ZNF331: variants seen among roughly 807,000 people sequenced by gnomAD.
The protein encoded by ZNF331 is zinc finger protein 331.
Under a neutral mutation model 7.0 loss-of-function variants are expected in ZNF331, and 2 were observed. The observed-to-expected ratio is 0.29, with a 90% CI of 0.12 to 0.90. ZNF331 has a LOEUF of 0.90. Ranked by LOEUF, ZNF331 falls within the 40% of genes least tolerant of loss-of-function variation. ZNF331 has a pLI of 0.58. For synonymous variants in ZNF331, 196 were observed against 205.4 expected, an observed-to-expected ratio of 0.95 and a Z score of 0.39; for missense variants, 432 against 587.7, an observed-to-expected ratio of 0.74 and a Z score of 2.74.
chr19:53,545,875 T>G (rs1002429248), intron 2 of ZNF331, among the ~76,000 whole-genome samples: 4 of 152,100 alleles, frequency 2.6e-5, no homozygotes, highest in African/African-American at 4.8e-5. Context: ...TGGGAGTCCT[T>G]GTGGAGGGAG....
chr19:53,508,804 C>A, the ZNF331 span, among the ~76,000 whole-genome samples: 1 of 152,134 alleles, frequency 6.6e-6, no homozygotes, highest in Non-Finnish European at 1.5e-5. Context: ...ATACAAAAAT[C>A]TTTATCCCTG....
At chr19:53,546,603 G>A (rs1322577236) in intron 2 of ZNF331, among the ~76,000 whole-genome samples, 2 of 151,834 alleles carry the variant, frequency 1.3e-5, no homozygotes, top group African/African-American at 4.8e-5. Context: ...TTTACAGTGT[G>A]CTTGGGTAAG....
intron 2 of ZNF331, among the ~76,000 whole-genome samples, chr19:53,527,763 C>G (rs12977952): frequency 0.2 from 30,923 of 152,164 alleles, 3,570 homozygotes; most frequent in Middle Eastern, 0.28. Flanking sequence ...GAGAGGCAGG[C>G]CAGTTATCTT....
chr19:53,513,258 A>C, the ZNF331 span, among the ~76,000 whole-genome samples: 1 of 146,726 alleles, frequency 6.8e-6, no homozygotes, highest in Non-Finnish European at 1.5e-5. Context: ...GCTGATGCGA[A>C]TAACACTGCA....
intron 2 of ZNF331, among the ~76,000 whole-genome samples, chr19:53,546,743 T>G (rs562208886): frequency 6.6e-6 from 1 of 152,346 alleles, no homozygotes; most frequent in East Asian, 1.9e-4. Context: ...GTCAGTTTTG[T>G]GAGGCCTTTA....
chr19:53,543,648 G>A (rs778373778), intron 2 of ZNF331, among the ~76,000 whole-genome samples: 20 of 152,328 alleles, frequency 1.3e-4, no homozygotes, highest in Admixed American at 7.8e-4. Context: ...TGGCCGACAT[G>A]AGTTGGTCTT....
exon 1 of ZNF331, chr19:53,521,339 T>C (rs986513035): frequency 6.5e-6 from 1 of 152,856 alleles, no homozygotes; most frequent in African/African-American, 2.4e-5. Flanking sequence ...TGAGTGTGTG[T>C]GTGTGTGTGT....
chr19:53,512,805 A>G, the ZNF331 span: 12,482 of 136,586 alleles, frequency 0.091, 1,073 homozygotes, highest in African/African-American at 0.15. Flanking sequence ...GTGCATGCGA[A>G]GGATCTGGGT....
At chr19:53,541,110 C>CTT (rs56706446) in intron 2 of ZNF331, among the ~76,000 whole-genome samples, 18,040 of 139,262 alleles carry the variant, frequency 0.13, 1,330 homozygotes, top group South Asian at 0.19. Context: ...TATTTCTTTT[C>CTT]TTTTTTTTTT....
chr19:53,552,299 G>T (rs1213529188), intron 2 of ZNF331, among the ~76,000 whole-genome samples: 2 of 152,108 alleles, frequency 1.3e-5, no homozygotes, highest in East Asian at 3.9e-4. Context: ...ATGTGTCTTA[G>T]AATATTTTTA....
intron 2 of ZNF331, among the ~76,000 whole-genome samples, chr19:53,540,307 G>A (rs1035666576): frequency 1.3e-5 from 2 of 152,172 alleles, no homozygotes; most frequent in Non-Finnish European, 2.9e-5. Flanking sequence ...TTCTGATGAG[G>A]GCCCTTTTCC....
rs28579428 is a variant in ZNF331 at position 53,556,222 on chromosome 19, A to G, written c.-74+314A>G. 8.8e-3 allele frequency among the ~76,000 whole-genome samples: 1,262 copies of G among 143,860 alleles called. 11 individuals are homozygous for G. Among genetic ancestry groups the G allele is most frequent in the South Asian group, 0.019 (83 of 4,428 alleles). The allele number at this position is 143,860 out of a possible 152,430, so 94.4% of individuals were successfully genotyped here. ...CGCACCGCTTCACTCCAGCCTGGGCAACACAGCGAGACTCCATCTCAAAAA... is the reference window on the plus strand; with the variant it reads ...CGCACCGCTTCACTCCAGCCTGGGCGACACAGCGAGACTCCATCTCAAAAA... On this transcript the variant is annotated intron_variant, in intron 3 of 5. Coordinates refer to ENST00000449416, the MANE Select transcript of ZNF331 (RefSeq NM_001079906.2).
chr19:53,509,131 G>C, the ZNF331 span, among the ~76,000 whole-genome samples: 1 of 152,146 alleles, frequency 6.6e-6, no homozygotes, highest in Non-Finnish European at 1.5e-5. Context: ...CTGTGCGTTT[G>C]GTCTCCACGT....
At chr19:53,569,546 C>T (rs776006642) in intron 4 of ZNF331, among the ~76,000 whole-genome samples, 161 bp downstream of exon 4, 31 of 152,162 alleles carry the variant, frequency 2.0e-4, no homozygotes, top group Non-Finnish European at 4.1e-4. Context: ...AGCTCCGTGT[C>T]TGCCTTTTTG....
chr19:53,509,928 G>T, the ZNF331 span, among the ~76,000 whole-genome samples: 1 of 152,188 alleles, frequency 6.6e-6, no homozygotes, highest in African/African-American at 2.4e-5. Flanking sequence ...GAAAAGGAGA[G>T]ACAGAGAGAG....
chr19:53,557,128 T>C (rs2089487213), intron 3 of ZNF331, among the ~76,000 whole-genome samples: 1 of 151,704 alleles, frequency 6.6e-6, no homozygotes, highest in Non-Finnish European at 1.5e-5. Context: ...CAGCCAATTT[T>C]TTAATATTTT....
chr19:53,528,757 T>G (rs2087406945), intron 2 of ZNF331, among the ~76,000 whole-genome samples: 1 of 152,000 alleles, frequency 6.6e-6, no homozygotes, highest in African/African-American at 2.4e-5. Flanking sequence ...AGATCATAAT[T>G]TATTTAATCT....
chr19:53,543,078 G>A (rs1467150627), intron 2 of ZNF331, among the ~76,000 whole-genome samples: 2 of 152,030 alleles, frequency 1.3e-5, no homozygotes, highest in African/African-American at 4.8e-5. Flanking sequence ...GAAAGTGCTG[G>A]GATTACAGGC....
upstream of ZNF331, chr19:53,537,224 T>TA (rs1568470313): frequency 6.6e-6 from 1 of 152,428 alleles, no homozygotes; most frequent in Non-Finnish European, 1.5e-5. Context: ...AGACTGTGGT[T>TA]AAGTACCTGC....
Sources: allele counts gnomAD v4.1 joint callset (sites outside exome capture counted in the v4.1 genomes callset), GRCh38; gene constraint gnomAD v4.1.1; transcripts MANE v1.5; gene names NCBI Gene and HGNC (gene_info 2026-07-23, HGNC 2026-07-21).